SCFD2: variants seen among roughly 807,000 people sequenced by gnomAD.
The protein encoded by SCFD2 is sec1 family domain containing 2.
In SCFD2, 54 loss-of-function variants were observed where a neutral mutation model predicts 58.9. The ratio of observed to expected loss-of-function variants is 0.92; its 90% confidence interval spans 0.74 to 1.15. SCFD2 has a LOEUF of 1.15. Ranked by LOEUF, SCFD2 falls within the 50% of genes most tolerant of loss-of-function variation. The pLI is 0.00. For synonymous variants in SCFD2, 321 were observed against 335.9 expected (o/e 0.96, Z 0.49); for missense variants, 805 against 836.6 (o/e 0.96, Z 0.47).
At chr4:52,993,577 T>C (rs1235590870) in intron 5 of SCFD2, among the ~76,000 whole-genome samples, 1 of 152,150 alleles carries the variant, frequency 6.6e-6, no homozygotes, top group Non-Finnish European at 1.5e-5. Flanking sequence ...CATACATTGT[T>C]TATCTCTTCA....
intron 4 of SCFD2, among the ~76,000 whole-genome samples, chr4:53,147,247 A>C (rs1417076831): frequency 6.6e-6 from 1 of 152,226 alleles, no homozygotes. Flanking sequence ...ATTAGAATAA[A>C]GAAATACCAA....
intron 4 of SCFD2, among the ~76,000 whole-genome samples, chr4:53,190,865 G>A (rs1160512100): frequency 6.8e-6 from 1 of 146,924 alleles, no homozygotes; most frequent in Non-Finnish European, 1.5e-5. Flanking sequence ...TCCTTCAGAA[G>A]TTAAAACTAG....
At chr4:53,097,081 T>C (rs982947238) in intron 5 of SCFD2, among the ~76,000 whole-genome samples, 1 of 152,212 alleles carries the variant, frequency 6.6e-6, no homozygotes, top group Admixed American at 6.5e-5. Flanking sequence ...TATATCTCTG[T>C]TTTGGTATGA....
intron 5 of SCFD2, among the ~76,000 whole-genome samples, chr4:53,063,281 T>A (rs939597547): frequency 2.6e-5 from 4 of 152,134 alleles, no homozygotes; most frequent in Admixed American, 2.0e-4. Context: ...TAAAACTGGG[T>A]AATCAATCTT....
chr4:53,254,187 A>T (rs186129722), intron 4 of SCFD2, among the ~76,000 whole-genome samples: 101 of 152,228 alleles, frequency 6.6e-4, no homozygotes, highest in African/African-American at 2.4e-3. Flanking sequence ...TCCTCATCCA[A>T]ATCTCACCTT....
intron 5 of SCFD2, among the ~76,000 whole-genome samples, chr4:52,934,196 A>G (rs1199565943): frequency 6.6e-6 from 1 of 152,068 alleles, no homozygotes; most frequent in Non-Finnish European, 1.5e-5. Context: ...CTAGCATACA[A>G]CCTCCTTCAT....
At chr4:53,118,253 C>G (rs778909867) in intron 5 of SCFD2, among the ~76,000 whole-genome samples, 23 of 152,170 alleles carry the variant, frequency 1.5e-4, no homozygotes, top group Non-Finnish European at 2.5e-4. Context: ...CCATTCCTGC[C>G]TGGCACATAG....
intron 4 of SCFD2, among the ~76,000 whole-genome samples, chr4:53,184,659 T>C (rs891504441): frequency 2.0e-5 from 3 of 152,158 alleles, no homozygotes; most frequent in African/African-American, 7.2e-5. Flanking sequence ...CAAAGGCCTT[T>C]TGAGATGGCT....
intron 5 of SCFD2, among the ~76,000 whole-genome samples, chr4:53,132,223 T>G (rs1346922958): frequency 1.3e-5 from 2 of 152,250 alleles, no homozygotes; most frequent in Non-Finnish European, 2.9e-5. Context: ...CATCTTAAAC[T>G]TCACTGATAC....
chr4:52,914,828 A>T (rs1294581769), intron 6 of SCFD2, among the ~76,000 whole-genome samples: 2 of 152,180 alleles, frequency 1.3e-5, no homozygotes, highest in Non-Finnish European at 2.9e-5. Flanking sequence ...GGGCCCATGA[A>T]GGTCATATCG....
chr4:53,238,443 G>T (rs1235454626), intron 4 of SCFD2, among the ~76,000 whole-genome samples: 1 of 150,172 alleles, frequency 6.7e-6, no homozygotes, highest in African/African-American at 2.5e-5. Context: ...GGCTGGCCGG[G>T]CAGGGGGCTG....
chr4:53,036,681 C>T (rs762601097), intron 5 of SCFD2, among the ~76,000 whole-genome samples: 9 of 151,640 alleles, frequency 5.9e-5, no homozygotes, highest in Non-Finnish European at 8.8e-5. Context: ...CATCACACGC[C>T]GGGGCCTGTC....
intron 7 of SCFD2, among the ~76,000 whole-genome samples, chr4:52,888,278 G>A (rs1460349108): frequency 6.6e-6 from 1 of 152,164 alleles, no homozygotes; most frequent in African/African-American, 2.4e-5. Context: ...GCAAAGGCAG[G>A]CAGGCAGGAG....
intron 5 of SCFD2, among the ~76,000 whole-genome samples, chr4:53,020,994 A>G (rs1264349918): frequency 6.6e-6 from 1 of 152,234 alleles, no homozygotes; most frequent in Non-Finnish European, 1.5e-5. Context: ...ATGTAACCCT[A>G]AACTGTGCAA....
intron 4 of SCFD2, among the ~76,000 whole-genome samples, chr4:53,269,595 T>C (rs903000565): frequency 3.6e-4 from 55 of 152,186 alleles, no homozygotes; most frequent in Admixed American, 2.6e-4. Flanking sequence ...GGTTATTTTT[T>C]GGAGTATTTT....
intron 5 of SCFD2, among the ~76,000 whole-genome samples, chr4:52,932,009 G>A (rs1208143249): frequency 6.6e-6 from 1 of 152,196 alleles, no homozygotes; most frequent in Admixed American, 6.5e-5. Context: ...CTTCCTGGAG[G>A]TGCAGGCCAA....
At chr4:52,977,457 G>A (rs1193975132) in intron 5 of SCFD2, among the ~76,000 whole-genome samples, 1 of 152,086 alleles carries the variant, frequency 6.6e-6, no homozygotes, top group African/African-American at 2.4e-5. Context: ...CATGGGAAGA[G>A]GGACAAAACA....
intron 7 of SCFD2, among the ~76,000 whole-genome samples, chr4:52,899,267 T>G (rs968255453): frequency 6.6e-5 from 10 of 152,238 alleles, no homozygotes; most frequent in African/African-American, 2.4e-4. Context: ...CAATTTGGCA[T>G]GTTTTTGCAG....
intron 3 of SCFD2, among the ~76,000 whole-genome samples, chr4:53,285,472 A>G (rs1399491830): frequency 2.6e-5 from 4 of 152,032 alleles, no homozygotes; most frequent in Non-Finnish European, 4.4e-5. Flanking sequence ...TGCTAGCCAT[A>G]TTATCATGTT....
Sources: allele counts gnomAD v4.1 joint callset (sites outside exome capture counted in the v4.1 genomes callset), GRCh38; gene constraint gnomAD v4.1.1; transcripts MANE v1.5; gene names NCBI Gene and HGNC (gene_info 2026-07-23, HGNC 2026-07-21).